Variants in SF1 observed in about 807,000 individuals in gnomAD.
SF1 encodes the protein splicing factor 1.
A neutral mutation model predicts 62.5 loss-of-function variants in SF1; 7 were observed. The ratio of observed to expected loss-of-function variants is 0.11; its 90% CI spans 0.06 to 0.21. The LOEUF (loss-of-function observed/expected upper bound fraction) is 0.21. Ranked by LOEUF, SF1 falls within the 10% of genes least tolerant of loss-of-function variation. SF1 has a pLI of 1.00. For synonymous variants in SF1, 394 were observed against 323.6 expected (o/e 1.22, Z -2.33); for missense variants, 578 against 884.0 (o/e 0.65, Z 4.39).
chr11:64,771,005 A>G (rs1243307910), intron 3 of SF1, among the ~76,000 whole-genome samples: 1 of 152,198 alleles, frequency 6.6e-6, no homozygotes, highest in African/African-American at 2.4e-5. Flanking sequence ...GCTGTGTCCA[A>G]GGCCCAGGAG....
At chr11:64,769,862 A>C in intron 5 of SF1, 102 bp downstream of exon 5, 1 of 937,844 alleles carries the variant, frequency 1.1e-6, no homozygotes, top group Non-Finnish European at 1.6e-6. Context: ...TGTCCTACCA[A>C]AAAGGGGAAA....
intron 12 of SF1, 23 bp from the exon 13 acceptor site, chr11:64,766,178 G>A (rs895763032): frequency 1.1e-5 from 17 of 1,596,848 alleles, no homozygotes; most frequent in Non-Finnish European, 1.4e-5. Flanking sequence ...AGAAGCCCAA[G>A]GTCACACGCG....
At position 64,769,412 on chromosome 11, in the gene SF1, GGCTCACC is replaced by G; in HGVS notation, c.663+7_663+13del. On this transcript the variant is annotated splice_region_variant and intron_variant, in intron 6 of 12. Transcript: ENST00000377390. ...TTTCTGCTAGGAGGCTTCCTTTCTGGGCTCACCGCTCACCTGTTCCACTGCCTTTTTG... is the reference window on the plus strand; with the variant it reads ...TTTCTGCTAGGAGGCTTCCTTTCTGGGCTCACCTGTTCCACTGCCTTTTTG... 1.2e-6 allele frequency: 2 copies of G among 1,613,822 alleles called. No homozygotes were observed.
intron 8 of SF1, 29 bp from the exon 9 acceptor site, chr11:64,768,315 G>C (rs1565562376): frequency 6.2e-7 from 1 of 1,600,956 alleles, no homozygotes. Context: ...CACAAACAGA[G>C]AAAGGGGAAA....
intron 1 of SF1, chr11:64,777,674 C>G (rs1939537587): frequency 4.1e-6 from 4 of 985,602 alleles, no homozygotes; most frequent in Non-Finnish European, 4.8e-6. Context: ...CCCGCCACCC[C>G]TGTTCCCGAC....
chr11:64,777,433 CTA>C (rs770395284), intron 1 of SF1: 5 of 881,468 alleles, frequency 5.7e-6, no homozygotes, highest in African/African-American at 5.4e-5. Flanking sequence ...AAAAAACAAA[CTA>C]AAATTCTCTC....
intron 5 of SF1, 162 bp downstream of exon 5, chr11:64,769,802 G>GA (rs1284433792): frequency 4.1e-6 from 3 of 726,180 alleles, no homozygotes; most frequent in Non-Finnish European, 6.8e-6. Flanking sequence ...CACTAGTGGG[G>GA]AAGTTAAGAC....
chr11:64,778,185 G>C, intron 1 of SF1, 177 bp downstream of exon 1: 2 of 1,003,064 alleles, frequency 2.0e-6, no homozygotes, highest in Non-Finnish European at 2.5e-6. Context: ...GGAGGCGGCG[G>C]AGGCAGCGCC....
At position 64,765,145 on chromosome 11, in the gene SF1, C is replaced by T; in HGVS notation, c.*673G>A. On this transcript the variant is annotated 3_prime_UTR_variant, in exon 13 of 13. Transcript: ENST00000377390. ...TATGGCACCTTGAAAAACCCACAAC[C>T]AGCTTGACATGAATGGCCAAAGCCC... 1 of 280,530 alleles carries T rather than the reference C, an allele frequency of 3.6e-6. No homozygotes were observed. The highest frequency in any genetic ancestry group is 6.7e-6 in the Non-Finnish European group (1 of 150,114). 17.4% of individuals were successfully genotyped at this position (280,530 alleles called of 1,614,324 possible).
chr11:64,776,148 C>T (rs1362586280), intron 2 of SF1: 2 of 249,300 alleles, frequency 8.0e-6, no homozygotes, highest in South Asian at 3.7e-5. Flanking sequence ...ACAGTACCTG[C>T]GGTGTTCTCC....
intron 2 of SF1, chr11:64,776,284 A>C (rs768863796): frequency 3.9e-6 from 2 of 509,240 alleles, no homozygotes; most frequent in Non-Finnish European, 7.1e-6. Context: ...CCTTCCTGAT[A>C]CTCATGGAGA....
chr11:64,765,608 G>A lies in SF1; in HGVS notation c.*210C>T. 6 of 1,505,874 alleles carry A rather than the reference G, an allele frequency of 4.0e-6. No individual in the cohort carries two copies. Among genetic ancestry groups the A allele is most frequent in the Non-Finnish European group, 5.3e-6 (6 of 1,136,034 alleles). 93.3% of individuals were successfully genotyped at this position (1,505,874 alleles called of 1,614,324 possible). A position where few individuals can be genotyped will look rare whatever the true frequency, so the allele number is the denominator to read the frequency against. On this transcript the variant is annotated 3_prime_UTR_variant, in exon 13 of 13. Transcript: ENST00000377390. ...CACTCGATGCTACGGGGCGCCAGGA[G>A]AGCCCAAGCTGGCGCCCCTACTACC... is the stretch of plus-strand genomic sequence containing the variant.
At chr11:64,772,709 C>T in intron 3 of SF1, 1 of 985,332 alleles carries the variant, frequency 1.0e-6, no homozygotes, top group Non-Finnish European at 1.2e-6. Context: ...TAAAAAAGTT[C>T]ATCTCCCCCA....
Position 64,776,637 on chromosome 11 carries a change from G to A in SF1, c.32-11C>T, listed in dbSNP as rs138969627. Reference sequence around the variant, plus strand: ...TCTTACTTGGGAAGTCTAAAAGGCAGAGACAAAATCCATCCGATGTAAATA... The same window carrying A: ...TCTTACTTGGGAAGTCTAAAAGGCAAAGACAAAATCCATCCGATGTAAATA... On this transcript the variant is annotated splice_polypyrimidine_tract_variant and intron_variant, in intron 1 of 12. Transcript: ENST00000377390. The A allele has an allele frequency of 6.9e-6, 11 of 1,605,456 alleles. No individual in the cohort carries two copies. Among genetic ancestry groups the A allele is most frequent in the Admixed American group, 1.7e-5 (1 of 57,398 alleles).
intron 1 of SF1, chr11:64,777,780 G>GCGCC: frequency 2.2e-6 from 1 of 445,440 alleles, no homozygotes; most frequent in Non-Finnish European, 2.8e-6. Flanking sequence ...AGCGCCTCCC[G>GCGCC]CCCGCCCAGC....
Position 64,766,169 on chromosome 11 carries a change from G to C in SF1, c.1583-14C>G. On this transcript the variant is annotated splice_polypyrimidine_tract_variant and intron_variant, in intron 12 of 12. Coordinates refer to ENST00000377390, the MANE Select transcript of SF1 (RefSeq NM_004630.4). ...TAGTCGTCGTATCTGGGGTGGTAAAGAAGCCCAAGGTCACACGCGCGGGGG... is the reference window on the plus strand; with the variant it reads ...TAGTCGTCGTATCTGGGGTGGTAAACAAGCCCAAGGTCACACGCGCGGGGG... 1 of 1,601,184 alleles carries C rather than the reference G, an allele frequency of 6.2e-7. No homozygotes were observed. The highest frequency in any genetic ancestry group is 1.1e-5 in the South Asian group (1 of 91,028).
chr11:64,765,470 A>C lies in SF1; in HGVS notation c.*348T>G, dbSNP rs367962771. ...CTGGAAGGGTCACCAATGGGCGCGG[A>C]AAGTCCTCACTCTCATGGCTCGGGC... On this transcript the variant is annotated 3_prime_UTR_variant, in exon 13 of 13. Transcript: ENST00000377390. The C allele has an allele frequency of 3.1e-6, 5 of 1,613,460 alleles. No individual in the cohort carries two copies. Among genetic ancestry groups the C allele is most frequent in the Non-Finnish European group, 3.4e-6 (4 of 1,179,708 alleles).
At position 64,770,318 on chromosome 11, in the gene SF1, C is replaced by T. The variant is rs375153978; in HGVS notation, c.327G>A (p.Arg109=). The T allele has an allele frequency of 6.2e-7, 1 of 1,614,044 alleles. No individual in the cohort carries two copies. The highest frequency in any genetic ancestry group is 1.1e-5 in the South Asian group (1 of 91,070). Reference sequence around the variant, plus strand: ...CAACCATCTCTGTGATGAGGTTGTGCCGCTCCTCTTCCAGCTTTTTGCGGG... The same window carrying T: ...CAACCATCTCTGTGATGAGGTTGTGTCGCTCCTCTTCCAGCTTTTTGCGGG... ...FRTRKKLEEE[R]HNLITEMVAL... is the part of the protein sequence containing the mutation. Residue 109 remains arginine, a synonymous_variant, in exon 4 of 13, where the codon CGG becomes CGA. Coordinates refer to ENST00000377390, the MANE Select transcript of SF1 (RefSeq NM_004630.4).
chr11:64,772,641 T>G (rs1938515156), intron 3 of SF1: 1 of 985,268 alleles, frequency 1.0e-6, no homozygotes, highest in Non-Finnish European at 1.2e-6. Flanking sequence ...AGAGACTTAC[T>G]GCCCTTCTAA....
Sources: allele counts gnomAD v4.1 joint callset (sites outside exome capture counted in the v4.1 genomes callset), GRCh38; gene constraint gnomAD v4.1.1; transcripts MANE v1.5; gene names NCBI Gene and HGNC (gene_info 2026-07-23, HGNC 2026-07-21).